Variants in DDR1 observed in about 807,000 individuals in gnomAD.
DDR1 encodes the protein epithelial discoidin domain-containing receptor 1.
A neutral mutation model predicts 97.4 loss-of-function variants in DDR1; 64 were observed. The ratio of observed to expected loss-of-function variants is 0.66; its 90% CI spans 0.54 to 0.81. The LOEUF (loss-of-function observed/expected upper bound fraction) is 0.81, where lower values mean the gene tolerates loss of function less well. Ranked by LOEUF, DDR1 falls within the 30% of genes least tolerant of loss-of-function variation. The pLI, the probability that DDR1 is intolerant of heterozygous loss-of-function variation, is 0.00. For missense variants in DDR1, 990 were observed against 1,259.6 expected (o/e 0.79, Z 3.24); for synonymous variants, 458 against 503.7 (o/e 0.91, Z 1.21).
intron 1 of DDR1, chr6:30,885,898 G>C: frequency 8.8e-7 from 1 of 1,142,714 alleles, no homozygotes; most frequent in Non-Finnish European, 1.2e-6. Flanking sequence ...AGAGGAGCGT[G>C]AAGGGCTTGA....
chr6:30,891,595 G>C lies in DDR1; in HGVS notation c.665+116G>C. 1.3e-6 allele frequency: 1 copy of C among 783,080 alleles called. No individual in the cohort carries two copies. Among genetic ancestry groups the C allele is most frequent in the South Asian group, 1.7e-5 (1 of 59,452 alleles). The allele number at this position is 783,080 out of a possible 1,614,324, so 48.5% of individuals were successfully genotyped here. Reference sequence around the variant, plus strand: ...TGTAGGGGGGCTGGTAAGTAGGGTGGGGAGTGAGATGGAAGAGCTGAGAAG... The same window carrying C: ...TGTAGGGGGGCTGGTAAGTAGGGTGCGGAGTGAGATGGAAGAGCTGAGAAG... On this transcript the variant is annotated intron_variant, in intron 6 of 17. Transcript: ENST00000376568. This position sits in a 1 kb window ranked among gnomAD's most constrained non-coding sequence, Gnocchi z 5.3.
intron 7 of DDR1, 41 bp downstream of exon 7, chr6:30,892,229 C>T (rs199550687): frequency 2.2e-5 from 35 of 1,609,606 alleles, no homozygotes; most frequent in Non-Finnish European, 2.9e-5. Flanking sequence ...TGAAGCCATG[C>T]AGGGTGCCGT....
At position 30,892,000 on chromosome 6, in the gene DDR1, A is replaced by C; in HGVS notation, c.666-2A>C. On this transcript the variant is annotated splice_acceptor_variant, in intron 6 of 17. Transcript: ENST00000376568. LOFTEE classifies it high-confidence loss of function. The surrounding 1 kb of genome is among the most constrained non-coding windows in gnomAD (Gnocchi z 5.3). ...CCTCTTCCTTGGTCCCCTCTTCTCC[A>C]GACTGCAGTATGGGGGTCTGGGCCA... The C allele has an allele frequency of 6.2e-7, 1 of 1,613,660 alleles. No individual in the cohort carries two copies. The highest frequency in any genetic ancestry group is 8.5e-7 in the Non-Finnish European group (1 of 1,179,858).
At chr6:30,883,363 C>G (rs1361284715), upstream of DDR1, 1 of 152,436 alleles carries the variant, frequency 6.6e-6, no homozygotes, top group African/African-American at 2.4e-5. This position sits in a 1 kb window ranked among gnomAD's most constrained non-coding sequence, Gnocchi z 4.9. Flanking sequence ...AGGTGAGGGG[C>G]TGAGGTAGTG....
chr6:30,892,749 G>T (rs1789007392), intron 8 of DDR1: 1 of 640,672 alleles, frequency 1.6e-6, no homozygotes, highest in Non-Finnish European at 2.6e-6. Context: ...TAAGCCCCTT[G>T]CCCGTGACTA....
rs538507817 is a variant in DDR1, at chr6:30,885,288, C to T, written c.-43+578C>T. On this transcript the variant is annotated intron_variant, in intron 1 of 17. Transcript: ENST00000376568. The stretch of plus-strand genomic sequence containing the variant: ...ATGCCTGGCTCTTGGCTGAACATTT[C>T]TTCCCAGCGCTTCCAGCAGCCAGAG... 1.1e-4 allele frequency: 170 copies of T among 1,523,156 alleles called. 1 individual carries two copies. Among genetic ancestry groups the T allele is most frequent in the Admixed American group, 1.1e-3 (54 of 50,472 alleles). 94.4% of individuals were successfully genotyped at this position (1,523,156 alleles called of 1,614,324 possible). A position where few individuals can be genotyped will look rare whatever the true frequency, so the allele number is the denominator to read the frequency against.
chr6:30,885,815 A>C, intron 1 of DDR1: 1 of 1,289,796 alleles, frequency 7.8e-7, no homozygotes, highest in Non-Finnish European at 1.0e-6. Flanking sequence ...CAGTTCAGTA[A>C]GTTTGTGTGT....
intron 1 of DDR1, chr6:30,885,173 A>G: frequency 6.5e-7 from 1 of 1,526,756 alleles, no homozygotes; most frequent in Non-Finnish European, 8.8e-7. Flanking sequence ...CCCACCAGTG[A>G]CACCACTCTT....
At chr6:30,885,462 C>A in intron 1 of DDR1, 4 of 890,546 alleles carry the variant, frequency 4.5e-6, no homozygotes, top group Non-Finnish European at 6.6e-6. Flanking sequence ...CAGCGCCCAC[C>A]TGTTCCCTGC....
At position 30,894,705 on chromosome 6, in the gene DDR1, CCT is replaced by C. The variant is rs1376590009; in HGVS notation, c.1513+39_1513+40del. The C allele has an allele frequency of 1.3e-6, 2 of 1,529,070 alleles. No homozygotes were observed. Among genetic ancestry groups the C allele is most frequent in the Non-Finnish European group, 1.8e-6 (2 of 1,135,542 alleles). The allele number at this position is 1,529,070 out of a possible 1,614,324, so 94.7% of individuals were successfully genotyped here. A position where few individuals can be genotyped will look rare whatever the true frequency, so the allele number is the denominator to read the frequency against. Reference sequence around the variant, plus strand: ...TGCCTTGTTCCAGTCGCACCTCTGTCCTCTCTGCTGTTTTCTTATTGTATCCC... The same window carrying C: ...TGCCTTGTTCCAGTCGCACCTCTGTCCTCTGCTGTTTTCTTATTGTATCCC... On this transcript the variant is annotated intron_variant, in intron 11 of 17. Coordinates refer to ENST00000376568, the MANE Select transcript of DDR1 (RefSeq NM_001297654.2). This position sits in a 1 kb window ranked among gnomAD's most constrained non-coding sequence, Gnocchi z 5.7.
Position 30,888,114 on chromosome 6 carries a change from G to A in DDR1, c.-42-574G>A, listed in dbSNP as rs1786571480. ...AAAAAATATCTTGTCAGTCTGCTTG[G>A]TATTTCCCTGAGGCTGGTGAATTTG... is the stretch of plus-strand genomic sequence containing the variant. On this transcript the variant is annotated intron_variant, in intron 1 of 17. Coordinates refer to ENST00000376568, the MANE Select transcript of DDR1 (RefSeq NM_001297654.2). The surrounding 1 kb of genome is among the most constrained non-coding windows in gnomAD (Gnocchi z 4.2). 6.6e-6 allele frequency among the ~76,000 whole-genome samples: 1 copy of A among 151,796 alleles called. No homozygotes were observed. Among genetic ancestry groups the A allele is most frequent in the Non-Finnish European group, 1.5e-5 (1 of 67,980 alleles).
At position 30,888,946 on chromosome 6, in the gene DDR1, A is replaced by G. The variant is rs1157505229; in HGVS notation, c.124A>G (p.Ile42Val). ...TGCCCTGGGCATGCAGGACCGGACCATCCCAGACAGTGACATCTCTGCTTC... is the reference window on the plus strand; with the variant it reads ...TGCCCTGGGCATGCAGGACCGGACCGTCCCAGACAGTGACATCTCTGCTTC... ...RYALGMQDRT[I>V]PDSDISASSS... The change falls in exon 3 of 18, where the codon ATC (isoleucine) becomes GTC (valine). Residue 42 changes from isoleucine (I) to valine (V), a missense_variant. Coordinates refer to ENST00000376568, the MANE Select transcript of DDR1 (RefSeq NM_001297654.2). This position sits in a 1 kb window ranked among gnomAD's most constrained non-coding sequence, Gnocchi z 4.2. The G allele has an allele frequency of 5.6e-6, 9 of 1,612,856 alleles. No individual in the cohort carries two copies. The highest frequency in any genetic ancestry group is 1.7e-5 in the Admixed American group (1 of 59,996).
chr6:30,898,604 G>A (rs896878622), intron 16 of DDR1, among the ~76,000 whole-genome samples: 3 of 152,140 alleles, frequency 2.0e-5, no homozygotes, highest in East Asian at 3.9e-4. Context: ...TAGGGAGACC[G>A]AAGGTCAGGA....
chr6:30,899,858 G>A lies in DDR1; in HGVS notation c.*562G>A, dbSNP rs189604348. On this transcript the variant is annotated 3_prime_UTR_variant, in exon 18 of 18. Transcript: ENST00000376568. Reference sequence around the variant, plus strand: ...AAACACTGGACCTGGGGGTAGCCCCGCCCCAGCCCTCAGTCACCCCCACTT... The same window carrying A: ...AAACACTGGACCTGGGGGTAGCCCCACCCCAGCCCTCAGTCACCCCCACTT... 48 of 420,298 alleles carry A rather than the reference G, an allele frequency of 1.1e-4. No homozygotes were observed. The East Asian group carries it at 1.6e-3, about 14-fold the overall frequency. The allele number at this position is 420,298 out of a possible 1,614,324, so 26.0% of individuals were successfully genotyped here.
Position 30,896,998 on chromosome 6 carries a change from GA to G in DDR1, c.1870-14del, listed in dbSNP as rs367577952. 1.7e-4 allele frequency: 279 copies of G among 1,606,180 alleles called. No homozygotes were observed. The African/African-American group carries it at 2.8e-3, about 16-fold the overall frequency. On this transcript the variant is annotated splice_polypyrimidine_tract_variant and intron_variant, in intron 13 of 17. Transcript: ENST00000376568. Reference sequence around the variant, plus strand: ...TTGACCCTGTGACCGCCTAGCAAACGAACTTCTTTCTCCAGGTGCACCTGTG... The same window carrying G: ...TTGACCCTGTGACCGCCTAGCAAACGACTTCTTTCTCCAGGTGCACCTGTG...
At chr6:30,885,630 T>C in intron 1 of DDR1, 1 of 1,355,858 alleles carries the variant, frequency 7.4e-7, no homozygotes. Context: ...CACAGGTGTC[T>C]GAAGGTGGCT....
At position 30,886,273 on chromosome 6, in the gene DDR1, T is replaced by C. The variant is rs1345151947; in HGVS notation, c.-43+1563T>C. ...TCTGATGACTCATCTGGGATAGGCA[T>C]GAAGGTTACTTAGGGGAACAAGAGC... On this transcript the variant is annotated intron_variant, in intron 1 of 17. Transcript: ENST00000376568. The surrounding 1 kb of genome is among the most constrained non-coding windows in gnomAD (Gnocchi z 4.6). Among the ~76,000 whole-genome samples the C allele has an allele frequency of 6.6e-6, 1 of 152,082 alleles. No individual in the cohort carries two copies. Among genetic ancestry groups the C allele is most frequent in the Non-Finnish European group, 1.5e-5 (1 of 68,000 alleles).
chr6:30,893,221 CT>C, intron 9 of DDR1, 50 bp from the exon 10 acceptor site: 7 of 1,594,894 alleles, frequency 4.4e-6, no homozygotes, highest in Non-Finnish European at 6.0e-6. Context: ...GGGCCTCCCC[CT>C]CGGCTAGGGT....
In DDR1 at chr6:30,896,804, T is replaced by A; in HGVS notation, c.1808T>A (p.Val603Glu). The A allele has an allele frequency of 6.3e-7, 1 of 1,589,286 alleles. No homozygotes were observed. Among genetic ancestry groups the A allele is most frequent in the Non-Finnish European group, 8.6e-7 (1 of 1,166,112 alleles). The part of the protein sequence containing the change: ...PGAVGDGPPR[V>E]DFPRSRLRFK... The stretch of plus-strand genomic sequence containing the variant: ...GCAGTCGGGGATGGGCCCCCCAGAG[T>A]GGATTTCCCTCGATCTCGACTCCGC... The change falls in exon 13 of 18, where the codon GTG becomes GAG. Residue 603 changes from valine to glutamate, a missense_variant. Val to Glu is a moderately radical substitution (Grantham distance 121). Transcript: ENST00000376568.
Sources: gnomAD v4.1 joint callset for allele counts (sites outside exome capture counted in the v4.1 genomes callset) on GRCh38, gnomAD v4.1.1 for gene constraint, Gnocchi (gnomAD v3.1) non-coding constraint, MANE v1.5 for transcripts, NCBI Gene and HGNC (gene_info 2026-07-23, HGNC 2026-07-21) for gene names.